The following KPNA7 variants were observed in gnomAD, a reference collection of about 807,000 sequenced individuals.
KPNA7 encodes importin subunit alpha-8.
KPNA7 carries 54 observed loss-of-function variants against 53.7 expected under a neutral mutation model. The observed-to-expected ratio is 1.01, with a 90% CI of 0.81 to 1.26. The LOEUF (loss-of-function observed/expected upper bound fraction) is 1.26. Among genes scored for constraint, KPNA7 ranks in the 50% most tolerant of loss-of-function variants. The pLI, the probability that KPNA7 is intolerant of heterozygous loss-of-function variation, is 0.00. For missense variants in KPNA7, 640 were observed against 644.5 expected (o/e 0.99, Z 0.07); for synonymous variants, 276 against 259.3 (o/e 1.06, Z -0.62).
At position 99,184,980 on chromosome 7, in the gene KPNA7, C is replaced by G; in HGVS notation, c.1083G>C (p.Gln361His). The G allele has an allele frequency of 6.4e-7, 1 of 1,552,046 alleles. No individual in the cohort carries two copies. Among genetic ancestry groups the G allele is most frequent in the Non-Finnish European group, 8.7e-7 (1 of 1,147,074 alleles). The change falls in exon 8 of 11, where the codon CAG (glutamine) becomes CAC (histidine). Residue 361 changes from glutamine (Q) to histidine (H), a missense_variant. Physicochemically the swap from Gln to His is conservative, Grantham distance 24. Coordinates refer to ENST00000327442, the MANE Select transcript of KPNA7 (RefSeq NM_001145715.3). ...GCAAGACGTCGTAGGCAAGCAGCTG[C>G]TGGATGTGGTGACAAGGCCCCGCTG... ...NVAAGPCHHI[Q>H]QLLAYDVLPP... is the part of the protein sequence containing the mutation.
intron 1 of KPNA7, among the ~76,000 whole-genome samples, chr7:99,207,722 G>A (rs143814039): frequency 0.055 from 7,218 of 130,166 alleles, 256 homozygotes; most frequent in African/African-American, 0.11. Flanking sequence ...TGCAACCTCC[G>A]CCTCCCGGGT....
rs1015968203 is a variant in KPNA7 at position 99,195,290 on chromosome 7, T to G, written c.333A>C (p.Glu111Asp). 4.5e-6 allele frequency: 7 copies of G among 1,551,618 alleles called. No homozygotes were observed. The Admixed American group carries it at 7.8e-5, about 17-fold the overall frequency. ...EKNPPLKLVI[E>D]AGLIPRMVEF... Reference sequence around the variant, plus strand: ...CCACCATCCTGGGAATGAGGCCCGCTTCAATGACCAGTTTCAGAGGGGGGT... The same window carrying G: ...CCACCATCCTGGGAATGAGGCCCGCGTCAATGACCAGTTTCAGAGGGGGGT... Residue 111 changes from glutamate (E) to aspartate (D), a missense_variant, in exon 5 of 11, where the codon GAA becomes GAC. Physicochemically the swap from Glu to Asp is conservative, Grantham distance 45. Transcript: ENST00000327442.
chr7:99,159,348 CAAAAAAAA>C, the KPNA7 span, among the ~76,000 whole-genome samples: 4 of 58,150 alleles, frequency 6.9e-5, no homozygotes, highest in African/African-American at 1.7e-4. Context: ...GACACTGTCT[CAAAAAAAA>C]AAAAAAAAAA....
chr7:99,180,507 C>G (rs557568199), intron 9 of KPNA7, among the ~76,000 whole-genome samples: 15 of 149,154 alleles, frequency 1.0e-4, no homozygotes, highest in Middle Eastern at 3.4e-3. Flanking sequence ...CTGTCTGTCT[C>G]TCTCTCTCTG....
chr7:99,176,159 A>G (rs1798891506), intron 10 of KPNA7, among the ~76,000 whole-genome samples: 1 of 151,644 alleles, frequency 6.6e-6, no homozygotes, highest in South Asian at 2.1e-4. Flanking sequence ...TTAGCCGGAC[A>G]TGGTGGTGGG....
At chr7:99,178,150 C>T (rs544373399) in intron 9 of KPNA7, 84 bp from the exon 10 acceptor site, 32 of 1,260,592 alleles carry the variant, frequency 2.5e-5, no homozygotes, top group South Asian at 4.5e-5. Context: ...AGGGAGCTGC[C>T]CCGAGTGGAA....
intron 3 of KPNA7, among the ~76,000 whole-genome samples, chr7:99,202,582 C>T (rs181464342): frequency 3.0e-4 from 46 of 152,194 alleles, no homozygotes; most frequent in African/African-American, 1.0e-3. Flanking sequence ...CAGGGGCTCA[C>T]ACCTGTAATC....
upstream of KPNA7, among the ~76,000 whole-genome samples, chr7:99,209,096 G>A (rs1790966581): frequency 6.6e-6 from 1 of 152,106 alleles, no homozygotes; most frequent in Non-Finnish European, 1.5e-5. Flanking sequence ...AGGTTGCAGT[G>A]AGCTGAGATT....
chr7:99,148,511 G>C, the KPNA7 span, among the ~76,000 whole-genome samples: 1 of 152,118 alleles, frequency 6.6e-6, no homozygotes, highest in Non-Finnish European at 1.5e-5. Context: ...ATCAAAATTT[G>C]CCTCTGATTT....
chr7:99,177,934 T>C lies in KPNA7; in HGVS notation c.1450A>G (p.Lys484Glu). 1.9e-6 allele frequency: 3 copies of C among 1,551,774 alleles called. No homozygotes were observed. The highest frequency in any genetic ancestry group is 2.6e-6 in the Non-Finnish European group (3 of 1,146,974). ...IGQSALNIIE[K>E]HFGEEEDESQ... Reference sequence around the variant, plus strand: ...AAGTCACTTACCTCACCAAAGTGCTTCTCGATGATGTTCAAAGCCGACTGG... The same window carrying C: ...AAGTCACTTACCTCACCAAAGTGCTCCTCGATGATGTTCAAAGCCGACTGG... The change falls in exon 10 of 11, where the codon AAG (lysine) becomes GAG (glutamate). Residue 484 changes from lysine (K) to glutamate (E), a missense_variant. By Grantham distance (56) the Lys-to-Glu change is moderately conservative. Coordinates refer to ENST00000327442, the MANE Select transcript of KPNA7 (RefSeq NM_001145715.3).
At chr7:99,179,394 T>TA (rs202021775) in intron 9 of KPNA7, among the ~76,000 whole-genome samples, 3,463 of 151,522 alleles carry the variant, frequency 0.023, 134 homozygotes, top group African/African-American at 0.08. Flanking sequence ...CTGTCTCTGC[T>TA]AAAATACAAA....
Position 99,181,041 on chromosome 7 carries a change from C to G in KPNA7, c.1317+842G>C, listed in dbSNP as rs552000964. Among the ~76,000 whole-genome samples, 3 of 108,238 alleles carry G rather than the reference C, an allele frequency of 2.8e-5. 1 individual carries two copies. Among genetic ancestry groups the G allele is most frequent in the East Asian group, 4.5e-4 (2 of 4,494 alleles). The allele number at this position is 108,238 out of a possible 152,430, so 71.0% of individuals were successfully genotyped here. On this transcript the variant is annotated intron_variant, in intron 9 of 10. Transcript: ENST00000327442. ...TGTGTGTGTCTCTCTGTGTGTGTCT[C>G]TCTCTCTCTCTCCGTCTGTGTCTCT...
intron 2 of KPNA7, among the ~76,000 whole-genome samples, chr7:99,206,413 T>C (rs1006288232): frequency 6.6e-6 from 1 of 152,084 alleles, no homozygotes; most frequent in Non-Finnish European, 1.5e-5. Flanking sequence ...CACTTTGGCC[T>C]CCCAAAGTGC....
At chr7:99,187,378 T>C (rs1789648839) in intron 7 of KPNA7, among the ~76,000 whole-genome samples, 1 of 151,694 alleles carries the variant, frequency 6.6e-6, no homozygotes, top group African/African-American at 2.4e-5. Context: ...GAGAACAAAC[T>C]GGGGAGAGGA....
chr7:99,196,195 C>G, intron 3 of KPNA7, 29 bp from the exon 4 acceptor site: 7 of 1,502,384 alleles, frequency 4.7e-6, no homozygotes, highest in Non-Finnish European at 5.4e-6. Flanking sequence ...TCAGGTCAGA[C>G]TGTCTGCCAA....
At chr7:99,192,472 G>A (rs529031497) in intron 6 of KPNA7, among the ~76,000 whole-genome samples, 2 of 152,202 alleles carry the variant, frequency 1.3e-5, no homozygotes, top group Admixed American at 1.3e-4. Flanking sequence ...GAGTGCAGTG[G>A]TGTGATCTTG....
intron 1 of KPNA7, among the ~76,000 whole-genome samples, chr7:99,219,014 G>A (rs572086072): frequency 2.6e-5 from 4 of 152,352 alleles, no homozygotes; most frequent in South Asian, 2.1e-4. Context: ...CTCAGCTGAT[G>A]GCAGGTGTTT....
chr7:99,200,422 T>C (rs538224888), intron 3 of KPNA7, among the ~76,000 whole-genome samples: 1 of 152,252 alleles, frequency 6.6e-6, no homozygotes, highest in South Asian at 2.1e-4. Flanking sequence ...CCTCTCTATC[T>C]CAAAATCCTT....
intron 7 of KPNA7, among the ~76,000 whole-genome samples, chr7:99,185,845 T>TA (rs1238758342): frequency 6.6e-6 from 1 of 152,166 alleles, no homozygotes; most frequent in African/African-American, 2.4e-5. Flanking sequence ...GACTGGAGTA[T>TA]AGTGGTACGA....
Sources: gnomAD v4.1 joint callset for allele counts (sites outside exome capture counted in the v4.1 genomes callset) on GRCh38, gnomAD v4.1.1 for gene constraint, MANE v1.5 for transcripts, NCBI Gene and HGNC (gene_info 2026-07-23, HGNC 2026-07-21) for gene names.